Variants in MAMLD1 observed in about 807,000 individuals in gnomAD.
MAMLD1 encodes mastermind like domain containing 1.
Under a neutral mutation model 45.0 loss-of-function variants are expected in MAMLD1, and 14 were observed. That is an observed-to-expected ratio of 0.31 (90% CI 0.21 to 0.49). The LOEUF is 0.49. MAMLD1 is among the 20% of genes least tolerant of loss of function. The pLI is 0.99. For synonymous variants in MAMLD1, 254 were observed against 247.8 expected (o/e 1.02, Z -0.24); for missense variants, 543 against 603.6 (o/e 0.90, Z 1.05).
chrX:150,450,193 C>T (rs1034786045), intron 2 of MAMLD1, among the ~76,000 whole-genome samples: 1 of 112,401 alleles, frequency 8.9e-6, no homozygotes, highest in Non-Finnish European at 1.9e-5. Context: ...ATTCTGGTAG[C>T]TCTCTGGGAT....
At chrX:150,396,149 A>ATTTTTT (rs151164752) in intron 1 of MAMLD1, among the ~76,000 whole-genome samples, 43 of 39,249 alleles carry the variant, frequency 1.1e-3, no homozygotes, top group African/African-American at 2.1e-3. Flanking sequence ...TACCTGGCTA[A>ATTTTTT]TTTTTTTTTT....
At chrX:150,505,158 GC>G in intron 6 of MAMLD1, 1 of 629,757 alleles carries the variant, frequency 1.6e-6, no homozygotes, top group Non-Finnish European at 1.9e-6. Flanking sequence ...ATTTTGTGAA[GC>G]CCCCAGTGAC....
In MAMLD1 at chrX:150,512,189, G is replaced by C; in HGVS notation, c.*230G>C. On this transcript the variant is annotated 3_prime_UTR_variant, in exon 8 of 8. Transcript: ENST00000370401. Reference sequence around the variant, plus strand: ...CTCACCAACTCTGGGGAAGCGGCAAGGAATTTTCACCTCCAGCCCCCAGTG... The same window carrying C: ...CTCACCAACTCTGGGGAAGCGGCAACGAATTTTCACCTCCAGCCCCCAGTG... 1 of 1,138,119 alleles carries C rather than the reference G, an allele frequency of 8.8e-7. No homozygotes were observed. The highest frequency in any genetic ancestry group is 1.2e-6 in the Non-Finnish European group (1 of 863,138). 93.8% of individuals were successfully genotyped at this position (1,138,119 alleles called of 1,213,427 possible).
At chrX:150,497,964 G>A (rs932388385) in intron 5 of MAMLD1, among the ~76,000 whole-genome samples, 4 of 110,930 alleles carry the variant, frequency 3.6e-5, no homozygotes, top group Non-Finnish European at 5.7e-5. Flanking sequence ...TCTTTACAAT[G>A]GGATTATAAT....
chrX:150,513,726 G>A lies in MAMLD1; in HGVS notation c.*1767G>A, dbSNP rs1043896698. On this transcript the variant is annotated 3_prime_UTR_variant, in exon 8 of 8. Coordinates refer to ENST00000370401, the MANE Select transcript of MAMLD1 (RefSeq NM_005491.5). Reference sequence around the variant, plus strand: ...GGAGAGTTCTCCAGATTTGGGAGAGGCGCAGAGACAGTGTGTGAGCCGAGC... The same window carrying A: ...GGAGAGTTCTCCAGATTTGGGAGAGACGCAGAGACAGTGTGTGAGCCGAGC... The A allele has an allele frequency of 6.8e-5, 20 of 295,380 alleles. No homozygotes were observed. Among genetic ancestry groups the A allele is most frequent in the Non-Finnish European group, 1.1e-4 (18 of 169,975 alleles). 24.3% of individuals were successfully genotyped at this position (295,380 alleles called of 1,213,427 possible). A position where few individuals can be genotyped will look rare whatever the true frequency, so the allele number is the denominator to read the frequency against.
intron 5 of MAMLD1, among the ~76,000 whole-genome samples, chrX:150,480,033 A>C: frequency 9.0e-6 from 1 of 111,013 alleles, no homozygotes; most frequent in African/African-American, 3.3e-5. Context: ...TCCCCTCCCC[A>C]TCCTGTGCTT....
intron 5 of MAMLD1, among the ~76,000 whole-genome samples, chrX:150,495,551 T>C (rs186835393): frequency 8.9e-6 from 1 of 112,602 alleles, no homozygotes; most frequent in Non-Finnish European, 1.9e-5. Context: ...AACATCCCTG[T>C]GGGGTGAAGT....
intron 2 of MAMLD1, among the ~76,000 whole-genome samples, chrX:150,452,893 A>G (rs1432608102): frequency 2.7e-5 from 3 of 109,469 alleles, no homozygotes; most frequent in Non-Finnish European, 3.8e-5. Flanking sequence ...GAGAATGATG[A>G]TTTCCAATTT....
At chrX:150,479,760 C>T (rs1557407053) in intron 5 of MAMLD1, among the ~76,000 whole-genome samples, 1 of 111,917 alleles carries the variant, frequency 8.9e-6, no homozygotes, top group Non-Finnish European at 1.9e-5. Context: ...TCCAGTTTTG[C>T]GCACACAACA....
At chrX:150,417,754 T>C (rs1414671473) in intron 1 of MAMLD1, among the ~76,000 whole-genome samples, 6 of 109,728 alleles carry the variant, frequency 5.5e-5, no homozygotes, top group African/African-American at 2.0e-4. Context: ...ATTTCTCTGA[T>C]GGCCAGTGAT....
Position 150,512,923 on chromosome X carries a change from A to C in MAMLD1, c.*964A>C, listed in dbSNP as rs148365369. Reference sequence around the variant, plus strand: ...ACTGCAATGAGGTAGATTTCATTGAAGCTCTCTTGAAAGGCTCCTGTGTGA... The same window carrying C: ...ACTGCAATGAGGTAGATTTCATTGACGCTCTCTTGAAAGGCTCCTGTGTGA... On this transcript the variant is annotated 3_prime_UTR_variant, in exon 8 of 8. Transcript: ENST00000370401. The C allele has an allele frequency of 2.1e-4, 242 of 1,154,454 alleles. 1 individual carries two copies. The African/African-American group carries it at 4.0e-3, about 19-fold the overall frequency.
At chrX:150,425,473 T>C (rs1452575094) in intron 1 of MAMLD1, among the ~76,000 whole-genome samples, 1 of 112,497 alleles carries the variant, frequency 8.9e-6, no homozygotes, top group African/African-American at 3.2e-5. Context: ...ACAGCTCTTG[T>C]ATAGTGTCAA....
chrX:150,417,448 T>C (rs2034299799), intron 1 of MAMLD1, among the ~76,000 whole-genome samples: 1 of 107,747 alleles, frequency 9.3e-6, no homozygotes, highest in Non-Finnish European at 1.9e-5. Flanking sequence ...TTTGCTATTG[T>C]GAATAGTGCC....
At position 150,395,375 on chromosome X, in the gene MAMLD1, T is replaced by C. The variant is rs911793746; in HGVS notation, c.-64+31845T>C. Among the ~76,000 whole-genome samples, 7 of 112,124 alleles carry C rather than the reference T, an allele frequency of 6.2e-5. No homozygotes were observed. In the East Asian group the frequency reaches 2.0e-3, roughly 31 times the overall value. Reference sequence around the variant, plus strand: ...TTTTTCCATCTATGTTCATGACAGATAGGAATCTGTAGTTTTCTTTCCTTG... The same window carrying C: ...TTTTTCCATCTATGTTCATGACAGACAGGAATCTGTAGTTTTCTTTCCTTG... On this transcript the variant is annotated intron_variant, in intron 1 of 7. Coordinates refer to ENST00000370401, the MANE Select transcript of MAMLD1 (RefSeq NM_005491.5).
In MAMLD1 at chrX:150,470,305, C is replaced by T. The variant is rs2148299225; in HGVS notation, c.732C>T (p.Ser244=). 1 of 1,208,166 alleles carries T rather than the reference C, an allele frequency of 8.3e-7. No individual in the cohort carries two copies. The highest frequency in any genetic ancestry group is 1.7e-5 in the African/African-American group (1 of 57,704). The stretch of plus-strand genomic sequence containing the variant: ...GCAAGGAGTTTGCTTCTAGTTGCAG[C>T]CAAGTTACTGGCATGTCACTTCAGA... ...ASSKEFASSC[S]QVTGMSLQIP... The change falls in exon 4 of 8, where the codon AGC becomes AGT. Residue 244 remains serine, a synonymous_variant. Coordinates refer to ENST00000370401, the MANE Select transcript of MAMLD1 (RefSeq NM_005491.5).
rs990732997 is a variant in MAMLD1, at chrX:150,471,101, A to T, written c.1528A>T (p.Ile510Leu). The T allele has an allele frequency of 8.3e-7, 1 of 1,208,747 alleles. No individual in the cohort carries two copies. The highest frequency in any genetic ancestry group is 1.8e-5 in the African/African-American group (1 of 56,551). ...QQQANVIFKP[I>L]SSNSSKTLSM... Reference sequence around the variant, plus strand: ...GCAAGCAAATGTGATCTTTAAGCCCATAAGCAGCAACTCATCCAAAACCCT... The same window carrying T: ...GCAAGCAAATGTGATCTTTAAGCCCTTAAGCAGCAACTCATCCAAAACCCT... Residue 510 changes from isoleucine to leucine, a missense_variant, in exon 4 of 8, where the codon ATA becomes TTA. Physicochemically the swap from Ile to Leu is conservative, Grantham distance 5. Transcript: ENST00000370401.
At chrX:150,503,184 G>A (rs782447229) in intron 5 of MAMLD1, 90 bp from the exon 6 acceptor site, 2 of 818,575 alleles carry the variant, frequency 2.4e-6, no homozygotes, top group South Asian at 2.0e-5. Flanking sequence ...ACACCCAGAT[G>A]ACCCAGCTAG....
intron 1 of MAMLD1, among the ~76,000 whole-genome samples, chrX:150,415,192 T>C (rs1479689030): frequency 8.9e-6 from 1 of 112,773 alleles, no homozygotes; most frequent in Non-Finnish European, 1.9e-5. Context: ...AACATTTTAA[T>C]GGAAAGCAAA....
chrX:150,428,719 A>G (rs185425100), intron 1 of MAMLD1, among the ~76,000 whole-genome samples: 20 of 112,146 alleles, frequency 1.8e-4, no homozygotes, highest in Non-Finnish European at 2.1e-4. Context: ...ATACCTTTCA[A>G]CTTGGACCAA....
Sources: allele counts gnomAD v4.1 joint callset (sites outside exome capture counted in the v4.1 genomes callset), GRCh38; gene constraint gnomAD v4.1.1; transcripts MANE v1.5; gene names NCBI Gene and HGNC (gene_info 2026-07-23, HGNC 2026-07-21).